The following POLA2 variants were observed in gnomAD, a reference collection of about 807,000 sequenced individuals.
POLA2 encodes DNA polymerase alpha subunit B.
Under a neutral mutation model 82.8 loss-of-function variants are expected in POLA2, and 47 were observed. That is an observed-to-expected ratio of 0.57 (90% CI 0.45 to 0.72). The LOEUF is 0.72. Among genes scored for constraint, POLA2 ranks in the 30% least tolerant of loss-of-function variants. POLA2 has a pLI of 0.00. For synonymous variants in POLA2, 287 were observed against 286.8 expected (o/e 1.00, Z -0.01); for missense variants, 634 against 728.1 (o/e 0.87, Z 1.49).
intron 9 of POLA2, 46 bp downstream of exon 9, chr11:65,281,778 A>G: frequency 4.9e-6 from 7 of 1,433,614 alleles, no homozygotes; most frequent in African/African-American, 1.4e-5. Flanking sequence ...CTTCAGACAA[A>G]GTATGTCTGG....
At chr11:65,268,646 T>C (rs764658649) in intron 3 of POLA2, 26 bp from the exon 4 acceptor site, 97 of 1,525,928 alleles carry the variant, frequency 6.4e-5, no homozygotes, top group Non-Finnish European at 8.3e-5. Context: ...CCAGCCATTA[T>C]TGTTTTTCTT....
At chr11:65,271,565 T>G (rs1003064381) in intron 4 of POLA2, among the ~76,000 whole-genome samples, 6 of 152,126 alleles carry the variant, frequency 3.9e-5, no homozygotes, top group African/African-American at 1.4e-4. Flanking sequence ...TGAATCAAAG[T>G]TTGTGACTGT....
chr11:65,271,151 GTT>G (rs1949516838), intron 4 of POLA2, among the ~76,000 whole-genome samples: 1 of 151,858 alleles, frequency 6.6e-6, no homozygotes, highest in Non-Finnish European at 1.5e-5. Context: ...TTACTTTTTT[GTT>G]TTAGTCGGCC....
chr11:65,295,156 C>T (rs764508207), intron 15 of POLA2, among the ~76,000 whole-genome samples: 15 of 152,210 alleles, frequency 9.9e-5, no homozygotes, highest in East Asian at 1.9e-4. Context: ...GCATGTGAAG[C>T]GACTCGCGTG....
Position 65,262,362 on chromosome 11 carries a change from A to T in POLA2, c.70A>T (p.Ile24Phe), listed in dbSNP as rs986794877. Residue 24 changes from isoleucine to phenylalanine, a missense_variant, in exon 1 of 18, where the codon ATT becomes TTT. Ile to Phe is a conservative substitution (Grantham distance 21, BLOSUM62 0). Transcript: ENST00000265465. ...IFGLDCEEAL[I>F]EKLVELCVQY... ...CGGCCTAGACTGCGAGGAGGCTCTA[A>T]TTGAGAAATGTGAGTCCCGCACCCC... 9.3e-6 allele frequency: 15 copies of T among 1,613,160 alleles called. No individual in the cohort carries two copies. Among genetic ancestry groups the T allele is most frequent in the African/African-American group, 1.3e-5 (1 of 74,890 alleles).
rs199754207 is a variant in POLA2, at chr11:65,278,791, G to A, written c.523G>A (p.Gly175Ser). 1,899 of 1,613,784 alleles carry A rather than the reference G, an allele frequency of 1.2e-3. 14 individuals carry two copies. The highest frequency in any genetic ancestry group is 7.3e-4 in the Non-Finnish European group (867 of 1,180,002). ...CCGAGGAGAAGTGGTTACCTCCTTC[G>A]GCTTAGCACAGGGAGTATCTTGGTC... ...SNRGEVVTSF[G>S]LAQGVSWSGR... Residue 175 changes from glycine (G) to serine (S), a missense_variant, in exon 6 of 18, where the codon GGC (glycine) becomes AGC (serine). By Grantham distance (56) the Gly-to-Ser change is moderately conservative. Coordinates refer to ENST00000265465, the MANE Select transcript of POLA2 (RefSeq NM_002689.4).
exon 9 of POLA2, chr11:65,305,487 A>G (rs879923453): frequency 6.9e-6 from 3 of 436,976 alleles, no homozygotes; most frequent in Non-Finnish European, 1.4e-5. Flanking sequence ...ACAGTCTCCA[A>G]GAAGGACAAG....
chr11:65,295,474 G>A (rs1949800026), intron 15 of POLA2, 66 bp from the exon 16 acceptor site: 1 of 1,334,308 alleles, frequency 7.5e-7, no homozygotes, highest in Non-Finnish European at 1.1e-6. Context: ...AAATTCTCCA[G>A]TCCTCCCTGA....
Position 65,297,369 on chromosome 11 carries a change from G to A in POLA2, c.*100G>A. The A allele has an allele frequency of 7.3e-7, 1 of 1,376,972 alleles. No individual in the cohort carries two copies. The highest frequency in any genetic ancestry group is 1.5e-5 in the South Asian group (1 of 65,716). The allele number at this position is 1,376,972 out of a possible 1,614,324, so 85.3% of individuals were successfully genotyped here. A position where few individuals can be genotyped will look rare whatever the true frequency, so the allele number is the denominator to read the frequency against. ...ACAAGGTGAACAGTTGGGTGGGAAAGGAGAGAGGAGCCAGCCAGGGAGGGG... is the reference window on the plus strand; with the variant it reads ...ACAAGGTGAACAGTTGGGTGGGAAAAGAGAGAGGAGCCAGCCAGGGAGGGG... On this transcript the variant is annotated 3_prime_UTR_variant, in exon 18 of 18. Transcript: ENST00000265465.
chr11:65,305,360 T>A (rs1565501262), intron 8 of POLA2: 1 of 456,272 alleles, frequency 2.2e-6, no homozygotes, highest in Non-Finnish European at 4.4e-6. Flanking sequence ...CCAAATTCCT[T>A]TGTTTTGTTT....
chr11:65,265,129 T>C lies in POLA2; in HGVS notation c.80-1453T>C, dbSNP rs564844552. ...CTGTAGTCCCAGCTACTTGGGAGGC[T>C]GAGACAGGAGAATCGCTTGAATCGG... On this transcript the variant is annotated intron_variant, in intron 1 of 17. Transcript: ENST00000265465. Among the ~76,000 whole-genome samples the C allele has an allele frequency of 2.0e-4, 31 of 151,468 alleles. 1 individual carries two copies. The South Asian group carries it at 6.4e-3, about 31-fold the overall frequency.
At chr11:65,266,911 A>T (rs1305430359) in intron 2 of POLA2, among the ~76,000 whole-genome samples, 1 of 152,138 alleles carries the variant, frequency 6.6e-6, no homozygotes, top group Non-Finnish European at 1.5e-5. Context: ...TATGATTGTT[A>T]TAAGAATTAA....
At chr11:65,287,290 T>A (rs1018090967) in intron 10 of POLA2, among the ~76,000 whole-genome samples, 1 of 152,126 alleles carries the variant, frequency 6.6e-6, no homozygotes, top group African/African-American at 2.4e-5. Context: ...GGCTCTTCAG[T>A]ACCCCACATT....
downstream of POLA2, among the ~76,000 whole-genome samples, chr11:65,302,711 A>G (rs1949865367): frequency 6.6e-6 from 1 of 151,520 alleles, no homozygotes; most frequent in Non-Finnish European, 1.5e-5. Context: ...TCATGTCCAC[A>G]CTCAACCTGT....
Position 65,268,339 on chromosome 11 carries a change from T to TTTA in POLA2, c.297-315_297-313dup, listed in dbSNP as rs1013288450. On this transcript the variant is annotated intron_variant, in intron 3 of 17. Transcript: ENST00000265465. ...AATCAGCCCTTGCCTTATATGAAAG[T>TTTA]TTATTATTATTATTATTATTTTTTT... Among the ~76,000 whole-genome samples the TTTA allele has an allele frequency of 2.1e-4, 31 of 150,492 alleles. 1 individual carries two copies. Among genetic ancestry groups the TTTA allele is most frequent in the African/African-American group, 6.1e-4 (25 of 40,888 alleles).
intron 6 of POLA2, 38 bp from the exon 7 acceptor site, chr11:65,279,500 C>G: frequency 7.3e-7 from 1 of 1,361,992 alleles, no homozygotes; most frequent in Non-Finnish European, 1.0e-6. Context: ...AGTGAAATGT[C>G]TTAAACATAA....
At position 65,287,821 on chromosome 11, in the gene POLA2, G is replaced by T; in HGVS notation, c.1112G>T (p.Arg371Leu). 6.2e-7 allele frequency: 1 copy of T among 1,613,454 alleles called. No homozygotes were observed. Among genetic ancestry groups the T allele is most frequent in the Non-Finnish European group, 8.5e-7 (1 of 1,179,752 alleles). Residue 371 changes from arginine (R) to leucine (L), a missense_variant, in exon 11 of 18, where the codon CGG (arginine) becomes CTG (leucine). Transcript: ENST00000265465. Reference sequence around the variant, plus strand: ...CTGATTGCTGTCATCAACCATGACCGGCCAGATGTCTGCATCCTGGTAAGA... The same window carrying T: ...CTGATTGCTGTCATCAACCATGACCTGCCAGATGTCTGCATCCTGGTAAGA... ...LDLIAVINHD[R>L]PDVCILFGPF...
In POLA2 at chr11:65,281,022, T is replaced by A; in HGVS notation, c.775T>A (p.Cys259Ser). ...TGTCACTCTGCTGGGCCAGATTGGC[T>A]GTGATAGCAACGGGAAGCTGAACAA... ...EPVTLLGQIGCDSNGKLNNKS... is the reference protein window; with the variant it reads ...EPVTLLGQIGSDSNGKLNNKS... The change falls in exon 8 of 18, where the codon TGT (cysteine) becomes AGT (serine). Residue 259 changes from cysteine to serine, a missense_variant. Cys to Ser is a moderately radical substitution (Grantham distance 112). Coordinates refer to ENST00000265465, the MANE Select transcript of POLA2 (RefSeq NM_002689.4). 1.2e-6 allele frequency: 2 copies of A among 1,614,070 alleles called. No individual in the cohort carries two copies. The highest frequency in any genetic ancestry group is 2.2e-5 in the South Asian group (2 of 91,068).
At chr11:65,303,637 G>A (rs139039730), downstream of POLA2, among the ~76,000 whole-genome samples, 646 of 152,296 alleles carry the variant, frequency 4.2e-3, 6 homozygotes, top group African/African-American at 0.015. Context: ...ACCTCCTTGG[G>A]AGGCAGGCTC....
Sources: gnomAD v4.1 joint callset for allele counts (sites outside exome capture counted in the v4.1 genomes callset) on GRCh38, gnomAD v4.1.1 for gene constraint, MANE v1.5 for transcripts, NCBI Gene and HGNC (gene_info 2026-07-23, HGNC 2026-07-21) for gene names.